Variants in TXNDC12 observed in about 807,000 individuals in gnomAD.
The protein encoded by TXNDC12 is thioredoxin domain-containing protein 12.
TXNDC12 carries 22 observed loss-of-function variants against 24.2 expected under a neutral mutation model. That is an observed-to-expected ratio of 0.91 (90% CI 0.65 to 1.30). The LOEUF (loss-of-function observed/expected upper bound fraction) is 1.30, where lower values mean the gene tolerates loss of function less well. TXNDC12 is among the 50% of genes most tolerant of loss of function. The probability of loss-of-function intolerance (pLI) is 0.00; values close to 1 mark genes in which losing one functional copy is unlikely to be tolerated. For missense variants in TXNDC12, 184 were observed against 205.8 expected (o/e 0.89, Z 0.65); for synonymous variants, 58 against 73.4 (o/e 0.79, Z 1.07).
At chr1:52,028,289 A>G (rs1685703791) in intron 3 of TXNDC12, among the ~76,000 whole-genome samples, 1 of 152,038 alleles carries the variant, frequency 6.6e-6, no homozygotes, top group Non-Finnish European at 1.5e-5. Context: ...CTTCCTTCTC[A>G]TGTCTCTGTC....
At chr1:52,024,218 T>C (rs78773601) in intron 5 of TXNDC12, among the ~76,000 whole-genome samples, 2,635 of 152,150 alleles carry the variant, frequency 0.017, 82 homozygotes, top group African/African-American at 0.06. Flanking sequence ...TGGTCTCAAA[T>C]TGGACTCAAG....
intron 2 of TXNDC12, chr1:52,033,226 G>C: frequency 6.2e-7 from 1 of 1,614,174 alleles, no homozygotes; most frequent in South Asian, 1.1e-5. Context: ...CGCAGCCCCG[G>C]ATTCTTCTCG....
At chr1:52,044,310 AAATGGAGATG>A (rs1386653522) in intron 1 of TXNDC12, 1 of 152,232 alleles carries the variant, frequency 6.6e-6, no homozygotes, top group Non-Finnish European at 1.5e-5. Context: ...TGATGTGGCA[AAATGGAGATG>A]AATCTGAAAC....
intron 2 of TXNDC12, chr1:52,033,108 A>G (rs775111867): frequency 1.2e-6 from 2 of 1,611,876 alleles, no homozygotes; most frequent in Admixed American, 1.7e-5. Context: ...GAGAATCGGG[A>G]GCCTCAAAGC....
At chr1:52,054,755 G>A (rs185718625) in intron 1 of TXNDC12, among the ~76,000 whole-genome samples, 88 of 152,208 alleles carry the variant, frequency 5.8e-4, no homozygotes, top group African/African-American at 1.8e-3. Context: ...CTTAATTTAC[G>A]GGCCATTCCT....
intron 2 of TXNDC12, among the ~76,000 whole-genome samples, chr1:52,035,753 C>T (rs1003540551): frequency 2.0e-5 from 3 of 152,078 alleles, no homozygotes; most frequent in Non-Finnish European, 4.4e-5. Flanking sequence ...CTTAGCTTTC[C>T]CTCCCCTGCC....
At chr1:52,044,248 A>C (rs1686046231) in intron 1 of TXNDC12, 1 of 152,254 alleles carries the variant, frequency 6.6e-6, no homozygotes. Flanking sequence ...AAGCAAGCTA[A>C]AACCTATGAG....
rs116013394 is a variant in TXNDC12, at chr1:52,033,641, G to A, written c.159-5011C>T. Reference sequence around the variant, plus strand: ...TACACCGCTGGGTCCTCTGCGCCCAGGACAGCTGCGTCGTCCACCACGTAC... The same window carrying A: ...TACACCGCTGGGTCCTCTGCGCCCAAGACAGCTGCGTCGTCCACCACGTAC... On this transcript the variant is annotated intron_variant, in intron 2 of 6. Transcript: ENST00000371626. The A allele has an allele frequency of 1.9e-5, 30 of 1,611,686 alleles. No homozygotes were observed. In the African/African-American group the frequency reaches 3.7e-4, roughly 20 times the overall value.
At chr1:52,023,812 C>T (rs1055201452) in intron 5 of TXNDC12, among the ~76,000 whole-genome samples, 39 of 152,108 alleles carry the variant, frequency 2.6e-4, no homozygotes, top group African/African-American at 9.4e-4. Context: ...CATTAAATAT[C>T]TCTTATAAAA....
At chr1:52,037,452 TCC>T (rs1366176588) in intron 2 of TXNDC12, among the ~76,000 whole-genome samples, 2 of 152,100 alleles carry the variant, frequency 1.3e-5, no homozygotes, top group Non-Finnish European at 2.9e-5. Context: ...CTTCAGGTGA[TCC>T]CCCGACCTCG....
chr1:52,053,154 T>C (rs371234272), intron 1 of TXNDC12, among the ~76,000 whole-genome samples: 39 of 151,464 alleles, frequency 2.6e-4, no homozygotes, highest in African/African-American at 9.5e-4. Context: ...TCCCAGCTAC[T>C]TGGGAGGCTG....
At chr1:52,025,698 C>T (rs977490920) in intron 4 of TXNDC12, among the ~76,000 whole-genome samples, 5 of 152,232 alleles carry the variant, frequency 3.3e-5, no homozygotes, top group South Asian at 2.1e-4. Flanking sequence ...TTAAATACTT[C>T]GCTATGGTGA....
intron 2 of TXNDC12, chr1:52,033,360 C>A: frequency 6.2e-7 from 1 of 1,613,742 alleles, no homozygotes. Flanking sequence ...CGCGTGGCCG[C>A]CAACTCACAC....
At position 52,039,202 on chromosome 1, in the gene TXNDC12, G is replaced by A. The variant is rs193211500; in HGVS notation, c.158+2335C>T. ...ATTCAATTTTTTCTTGTAATGTCATGAGCATTCTCTGCTTCTTGGGAACAC... is the reference window on the plus strand; with the variant it reads ...ATTCAATTTTTTCTTGTAATGTCATAAGCATTCTCTGCTTCTTGGGAACAC... On this transcript the variant is annotated intron_variant, in intron 2 of 6. Coordinates refer to ENST00000371626, the MANE Select transcript of TXNDC12 (RefSeq NM_015913.4). Among the ~76,000 whole-genome samples the A allele has an allele frequency of 5.9e-3, 889 of 151,606 alleles. 3 individuals carry two copies. The highest frequency in any genetic ancestry group is 9.6e-3 in the Non-Finnish European group (653 of 67,954).
chr1:52,022,437 T>C (rs1685611044), intron 6 of TXNDC12, among the ~76,000 whole-genome samples: 1 of 152,126 alleles, frequency 6.6e-6, no homozygotes, highest in Admixed American at 6.5e-5. Context: ...GAACATGCTT[T>C]TCCCATTCTG....
chr1:52,021,799 A>C (rs575430665), intron 6 of TXNDC12, among the ~76,000 whole-genome samples: 2 of 152,226 alleles, frequency 1.3e-5, no homozygotes, highest in Admixed American at 6.5e-5. Flanking sequence ...CCATAAGCTC[A>C]TAAGAGGCAG....
At chr1:52,052,491 C>T (rs1686232597) in intron 1 of TXNDC12, 1 of 169,594 alleles carries the variant, frequency 5.9e-6, no homozygotes, top group Admixed American at 6.5e-5. Flanking sequence ...TTATGGCACG[C>T]ACTCTTGGAA....
chr1:52,041,853 G>C (rs903132779), intron 1 of TXNDC12, among the ~76,000 whole-genome samples: 1 of 152,230 alleles, frequency 6.6e-6, no homozygotes, highest in Non-Finnish European at 1.5e-5. Context: ...GACGTTAAAT[G>C]CTTTGTAAAC....
intron 3 of TXNDC12, among the ~76,000 whole-genome samples, chr1:52,027,715 CAT>C (rs1685690729): frequency 6.7e-6 from 1 of 150,282 alleles, no homozygotes; most frequent in Non-Finnish European, 1.5e-5. Context: ...TGTGTGTATA[CAT>C]ATATGTATGT....
Sources: allele counts gnomAD v4.1 joint callset (sites outside exome capture counted in the v4.1 genomes callset), GRCh38; gene constraint gnomAD v4.1.1; transcripts MANE v1.5; gene names NCBI Gene and HGNC (gene_info 2026-07-23, HGNC 2026-07-21).